Variants in KLB observed in about 807,000 individuals in gnomAD.
KLB encodes the protein klotho beta.
Under a neutral mutation model 88.4 loss-of-function variants are expected in KLB, and 44 were observed. That is an observed-to-expected ratio of 0.50 (90% CI 0.39 to 0.64). KLB has a LOEUF of 0.64. Ranked by LOEUF, KLB falls within the 30% of genes least tolerant of loss-of-function variation. The probability of loss-of-function intolerance (pLI) is 0.00; values close to 1 mark genes in which losing one functional copy is unlikely to be tolerated. For missense variants in KLB, 1,137 were observed against 1,304.8 expected (o/e 0.87, Z 1.98); for synonymous variants, 548 against 513.4 (o/e 1.07, Z -0.91).
At position 39,407,696 on chromosome 4, in the gene KLB, G is replaced by C. The variant is rs1302065835; in HGVS notation, c.747G>C (p.Gly249=). ...IHNPYLVAWH[G]YGTGMHAPGE... ...ACCCATATCTAGTGGCTTGGCATGG[G>C]TATGGGACAGGTATGCATGCCCCTG... The change falls in exon 1 of 5, where the codon GGG becomes GGC. Residue 249 remains glycine (G), a synonymous_variant. Coordinates refer to ENST00000257408, the MANE Select transcript of KLB (RefSeq NM_175737.4). 1.2e-6 allele frequency: 2 copies of C among 1,614,060 alleles called. No individual in the cohort carries two copies. Among genetic ancestry groups the C allele is most frequent in the Non-Finnish European group, 1.7e-6 (2 of 1,179,908 alleles).
At chr4:39,439,761 G>A (rs868631008) in intron 3 of KLB, among the ~76,000 whole-genome samples, 29 of 151,998 alleles carry the variant, frequency 1.9e-4, no homozygotes, top group African/African-American at 5.3e-4. Context: ...TTCGCCTCCT[G>A]GGTTCAAGCA....
chr4:39,444,250 G>A (rs939313724), intron 3 of KLB, among the ~76,000 whole-genome samples: 2 of 151,924 alleles, frequency 1.3e-5, no homozygotes, highest in African/African-American at 2.4e-5. Context: ...ATTTCTAATC[G>A]GATTATTCCC....
intron 1 of KLB, among the ~76,000 whole-genome samples, chr4:39,433,876 A>G (rs901758961): frequency 2.0e-5 from 3 of 152,108 alleles, no homozygotes; most frequent in African/African-American, 7.2e-5. Context: ...AAATAAAAAT[A>G]AAAAATAAAA....
chr4:39,447,894 C>T (rs924489521), intron 4 of KLB, among the ~76,000 whole-genome samples: 1 of 152,152 alleles, frequency 6.6e-6, no homozygotes, highest in Non-Finnish European at 1.5e-5. Context: ...CTTAAGCGAG[C>T]GACAGTGAGT....
intron 1 of KLB, among the ~76,000 whole-genome samples, chr4:39,411,586 C>T (rs549667620): frequency 6.6e-6 from 1 of 151,308 alleles, no homozygotes; most frequent in African/African-American, 2.4e-5. Context: ...GTGGCTCGAT[C>T]TCAGCTCACT....
At chr4:39,447,547 G>C in intron 4 of KLB, 72 bp downstream of exon 4, 3 of 1,307,830 alleles carry the variant, frequency 2.3e-6, no homozygotes, top group East Asian at 2.4e-5. Context: ...AAGAATGGGA[G>C]CAGCAGGCTG....
At chr4:39,414,694 C>A (rs373735156) in intron 1 of KLB, among the ~76,000 whole-genome samples, 1 of 151,474 alleles carries the variant, frequency 6.6e-6, no homozygotes, top group East Asian at 2.0e-4. Context: ...CATGGTGAAA[C>A]CCCATCTCTA....
Position 39,434,691 on chromosome 4 carries a change from T to C in KLB, c.1307T>C (p.Met436Thr), listed in dbSNP as rs1333424050. 1 of 1,613,302 alleles carries C rather than the reference T, an allele frequency of 6.2e-7. No individual in the cohort carries two copies. The highest frequency in any genetic ancestry group is 8.5e-7 in the Non-Finnish European group (1 of 1,179,598). Reference sequence around the variant, plus strand: ...GAAGACACCACGGCCATCTACATGATGAAGAATTTCCTCAGCCAGGTGCTT... The same window carrying C: ...GAAGACACCACGGCCATCTACATGACGAAGAATTTCCTCAGCCAGGTGCTT... ...KTEDTTAIYM[M>T]KNFLSQVLQA... Residue 436 changes from methionine (M) to threonine (T), a missense_variant, in exon 2 of 5, where the codon ATG becomes ACG. This residue lies in a region of KLB where 597 missense variants were observed against 765.2 expected (regional missense o/e 0.78). Coordinates refer to ENST00000257408, the MANE Select transcript of KLB (RefSeq NM_175737.4).
rs1444439331 is a variant in KLB, at chr4:39,407,617, C to T, written c.668C>T (p.Thr223Ile). The change falls in exon 1 of 5, where the codon ACA becomes ATA. Residue 223 changes from threonine (T) to isoleucine (I), a missense_variant. Around this residue, in one of 4 missense-constraint regions of KLB, gnomAD observed 597 missense variants for 765.2 expected, o/e 0.78. Transcript: ENST00000257408. ...ATAGATATCTTCAATGACTATGCCA[C>T]ATACTGTTTCCAGATGTTTGGGGAC... ...TIIDIFNDYA[T>I]YCFQMFGDRV... The T allele has an allele frequency of 6.2e-7, 1 of 1,614,000 alleles. No individual in the cohort carries two copies. The highest frequency in any genetic ancestry group is 8.5e-7 in the Non-Finnish European group (1 of 1,179,994).
intron 1 of KLB, among the ~76,000 whole-genome samples, chr4:39,425,923 G>A (rs1280794169): frequency 1.3e-5 from 2 of 150,138 alleles, no homozygotes; most frequent in Non-Finnish European, 1.5e-5. Context: ...CTTGAGACCA[G>A]CCTGGCCAAC....
chr4:39,431,223 C>T (rs547015052), intron 1 of KLB, among the ~76,000 whole-genome samples: 20 of 151,932 alleles, frequency 1.3e-4, no homozygotes, highest in South Asian at 4.2e-4. Context: ...AGCCACCCAC[C>T]CAACCACCAA....
intron 1 of KLB, among the ~76,000 whole-genome samples, chr4:39,411,441 G>A (rs1293637703): frequency 6.9e-6 from 1 of 145,160 alleles, no homozygotes; most frequent in Admixed American, 7.3e-5. Flanking sequence ...CCAGGTTCAC[G>A]CCATTCTCCT....
At chr4:39,415,728 T>C (rs1457984827) in intron 1 of KLB, among the ~76,000 whole-genome samples, 1 of 152,132 alleles carries the variant, frequency 6.6e-6, no homozygotes, top group Non-Finnish European at 1.5e-5. Flanking sequence ...ATAAAGCATA[T>C]GTCAACGCTT....
At chr4:39,409,249 T>C (rs10023960) in intron 1 of KLB, among the ~76,000 whole-genome samples, 5,803 of 151,904 alleles carry the variant, frequency 0.038, 379 homozygotes, top group African/African-American at 0.13. Flanking sequence ...AGATTATGCA[T>C]ACAAAAGTTA....
At chr4:39,438,767 AGTT>A (rs1317651943) in intron 3 of KLB, among the ~76,000 whole-genome samples, 29 of 152,110 alleles carry the variant, frequency 1.9e-4, no homozygotes, top group African/African-American at 6.8e-4. Flanking sequence ...CTCACCTTTT[AGTT>A]GTTATTATTA....
intron 4 of KLB, 35 bp from the exon 5 acceptor site, chr4:39,448,266 A>C (rs372318615): frequency 6.8e-7 from 1 of 1,473,594 alleles, no homozygotes; most frequent in Non-Finnish European, 9.2e-7. Flanking sequence ...TTCATAGTCC[A>C]TTTGTGATTA....
At chr4:39,430,063 T>C (rs548756902) in intron 1 of KLB, among the ~76,000 whole-genome samples, 1 of 152,246 alleles carries the variant, frequency 6.6e-6, no homozygotes, top group Admixed American at 6.5e-5. Flanking sequence ...TGCAAAGATA[T>C]GTCTTCTGAG....
At position 39,429,049 on chromosome 4, in the gene KLB, G is replaced by A. The variant is rs150088279; in HGVS notation, c.826-5161G>A. ...CTGGGAAATATGTTTGGAAAGCCTG[G>A]GTGGGAACACAGAAATATAAACCTA... On this transcript the variant is annotated intron_variant, in intron 1 of 4. Coordinates refer to ENST00000257408, the MANE Select transcript of KLB (RefSeq NM_175737.4). Among the ~76,000 whole-genome samples the A allele has an allele frequency of 1.2e-3, 189 of 152,278 alleles. 1 individual carries two copies. Among genetic ancestry groups the A allele is most frequent in the African/African-American group, 4.4e-3 (184 of 41,566 alleles).
At chr4:39,425,581 C>T (rs2608817) in intron 1 of KLB, among the ~76,000 whole-genome samples, 77,959 of 151,936 alleles carry the variant, frequency 0.51, 23,168 homozygotes, top group East Asian at 0.7. Context: ...GCTGGGACTA[C>T]AGGCACATGC....
Sources: allele counts gnomAD v4.1 joint callset (sites outside exome capture counted in the v4.1 genomes callset), GRCh38; gene constraint gnomAD v4.1.1; regional missense constraint gnomAD v4.1.1; transcripts MANE v1.5; gene names NCBI Gene and HGNC (gene_info 2026-07-23, HGNC 2026-07-21).